The following PDCL variants were observed in gnomAD, a reference collection of about 807,000 sequenced individuals.
The protein encoded by PDCL is phosducin-like protein.
PDCL carries 11 observed loss-of-function variants against 26.7 expected under a neutral mutation model. The observed-to-expected ratio is 0.41, with a 90% CI of 0.26 to 0.68. The LOEUF is 0.68. PDCL is among the 30% of genes least tolerant of loss of function. The pLI, the probability that PDCL is intolerant of heterozygous loss-of-function variation, is 0.30. For synonymous variants in PDCL, 118 were observed against 134.9 expected (o/e 0.87, Z 0.87); for missense variants, 330 against 371.6 (o/e 0.89, Z 0.92).
chr9:122,824,110 T>C (rs927561922), intron 2 of PDCL, among the ~76,000 whole-genome samples: 1 of 152,170 alleles, frequency 6.6e-6, no homozygotes, highest in African/African-American at 2.4e-5. Flanking sequence ...AACAAGATTG[T>C]AATACAACCT....
Position 122,818,117 on chromosome 9 carries a change from A to G in PDCL, c.*1968T>C, listed in dbSNP as rs1829508059. 6.6e-6 allele frequency among the ~76,000 whole-genome samples: 1 copy of G among 152,108 alleles called. No individual in the cohort carries two copies. ...ACCCCGTCTCTAGTAAAAATACAAA[A>G]ATTAGCCAGGCGTGATGGCATGTGC... On this transcript the variant is annotated 3_prime_UTR_variant, in exon 4 of 4. Coordinates refer to ENST00000259467, the MANE Select transcript of PDCL (RefSeq NM_005388.5).
intron 3 of PDCL, among the ~76,000 whole-genome samples, chr9:122,822,170 A>G (rs1829561838): frequency 6.6e-6 from 1 of 152,180 alleles, no homozygotes; most frequent in Admixed American, 6.5e-5. Context: ...TTTGGGCCAT[A>G]ACTAAATGAT....
chr9:122,820,827 A>AGGG, intron 3 of PDCL, 191 bp from the exon 4 acceptor site: 1 of 528,628 alleles, frequency 1.9e-6, no homozygotes, highest in Non-Finnish European at 3.4e-6. Context: ...CTCCTTAAAA[A>AGGG]AAAAAAAAAA....
At chr9:122,827,452 G>A (rs1339079173) in intron 1 of PDCL, among the ~76,000 whole-genome samples, 1 of 152,174 alleles carries the variant, frequency 6.6e-6, no homozygotes, top group Non-Finnish European at 1.5e-5. Context: ...CCGGGCTCGC[G>A]CAGGTAATCC....
intron 2 of PDCL, among the ~76,000 whole-genome samples, chr9:122,824,373 T>C (rs1397839385): frequency 6.6e-6 from 1 of 152,214 alleles, no homozygotes; most frequent in Non-Finnish European, 1.5e-5. Context: ...ACAGCTCCTC[T>C]CTTGCTCTCT....
In PDCL at chr9:122,820,070, A is replaced by G; in HGVS notation, c.*15T>C. ...AACCCAAACAATGAGAAATCTATGCAACTAGACTATCAGTTCAATCTATTT... is the reference window on the plus strand; with the variant it reads ...AACCCAAACAATGAGAAATCTATGCGACTAGACTATCAGTTCAATCTATTT... On this transcript the variant is annotated 3_prime_UTR_variant, in exon 4 of 4. Transcript: ENST00000259467. 6.4e-7 allele frequency: 1 copy of G among 1,568,232 alleles called. No individual in the cohort carries two copies. The highest frequency in any genetic ancestry group is 8.6e-7 in the Non-Finnish European group (1 of 1,157,576).
intron 3 of PDCL, among the ~76,000 whole-genome samples, chr9:122,822,036 G>C (rs1341515270): frequency 6.6e-6 from 1 of 152,074 alleles, no homozygotes; most frequent in Admixed American, 6.6e-5. Context: ...TACCAGAGTG[G>C]CTTCTTCTGA....
At position 122,821,675 on chromosome 9, in the gene PDCL, C is replaced by G. The variant is rs183632417; in HGVS notation, c.355-1039G>C. Among the ~76,000 whole-genome samples, 13 of 152,188 alleles carry G rather than the reference C, an allele frequency of 8.5e-5. No homozygotes were observed. The East Asian group carries it at 2.5e-3, about 29-fold the overall frequency. On this transcript the variant is annotated intron_variant, in intron 3 of 3. Coordinates refer to ENST00000259467, the MANE Select transcript of PDCL (RefSeq NM_005388.5). ...TTCTGTTCTATTGCAGATAAATCAG[C>G]AGGACGGGAACAGCCTCTCACAAGA...
chr9:122,826,487 G>C (rs936856647), intron 2 of PDCL, 129 bp downstream of exon 2: 13 of 733,166 alleles, frequency 1.8e-5, no homozygotes, highest in Non-Finnish European at 2.7e-5. Context: ...GAAAAGACTA[G>C]GTTACCTCTG....
intron 2 of PDCL, among the ~76,000 whole-genome samples, chr9:122,824,915 A>G (rs538583312): frequency 3.3e-5 from 5 of 152,326 alleles, no homozygotes; most frequent in Middle Eastern, 3.4e-3. Flanking sequence ...AGACAAATCA[A>G]TGGAAGAGAC....
At chr9:122,828,143 A>G (rs1829652943) in intron 1 of PDCL, among the ~76,000 whole-genome samples, 1 of 152,118 alleles carries the variant, frequency 6.6e-6, no homozygotes, top group African/African-American at 2.4e-5. Context: ...CAAGCGGGGG[A>G]CACAGCAGCG....
chr9:122,820,114 T>C lies in PDCL; in HGVS notation c.877A>G (p.Ser293Gly). The C allele has an allele frequency of 1.2e-6, 2 of 1,612,262 alleles. No individual in the cohort carries two copies. Among genetic ancestry groups the C allele is most frequent in the Non-Finnish European group, 1.7e-6 (2 of 1,179,042 alleles). Reference sequence around the variant, plus strand: ...TCTATTTCCAGGTCGCTATCCTCACTGTGACACGTGGCAGAGTTACGCACA... The same window carrying C: ...TCTATTTCCAGGTCGCTATCCTCACCGTGACACGTGGCAGAGTTACGCACA... ...TSVRNSATCH[S>G]EDSDLEID Residue 293 changes from serine to glycine, a missense_variant, in exon 4 of 4, where the codon AGT (serine) becomes GGT (glycine). Ser to Gly is a moderately conservative substitution (Grantham distance 56). Transcript: ENST00000259467.
At chr9:122,823,231 A>G (rs905435963) in intron 2 of PDCL, 34 bp from the exon 3 acceptor site, 4 of 1,607,734 alleles carry the variant, frequency 2.5e-6, no homozygotes, top group Admixed American at 1.7e-5. Context: ...GACCAAGGAG[A>G]ATGGGCAGGG....
intron 1 of PDCL, among the ~76,000 whole-genome samples, chr9:122,827,416 C>G (rs1442690341): frequency 2.6e-5 from 4 of 152,098 alleles, no homozygotes; most frequent in Non-Finnish European, 5.9e-5. Context: ...TTTAATAACT[C>G]CCAAGGGTTT....
intron 2 of PDCL, 127 bp downstream of exon 2, chr9:122,826,489 T>C: frequency 1.3e-6 from 1 of 747,978 alleles, no homozygotes; most frequent in Non-Finnish European, 2.0e-6. Flanking sequence ...AAAGACTAGG[T>C]TACCTCTGAA....
rs1192381752 is a variant in PDCL, at chr9:122,818,558, G to A, written c.*1527C>T. On this transcript the variant is annotated 3_prime_UTR_variant, in exon 4 of 4. Transcript: ENST00000259467. ...TACATTCCACCCTTTCTACTACAACGAGCTTTCTTAGTCAAAAAAAAAAAA... is the reference window on the plus strand; with the variant it reads ...TACATTCCACCCTTTCTACTACAACAAGCTTTCTTAGTCAAAAAAAAAAAA... 5 of 149,698 alleles carry A rather than the reference G, an allele frequency of 3.3e-5. No homozygotes were observed. The highest frequency in any genetic ancestry group is 2.0e-4 in the East Asian group (1 of 5,118). The allele number at this position is 149,698 out of a possible 1,614,324, so 9.3% of individuals were successfully genotyped here.
chr9:122,820,428 T>A lies in PDCL; in HGVS notation c.563A>T (p.Tyr188Phe). Residue 188 changes from tyrosine to phenylalanine, a missense_variant, in exon 4 of 4, where the codon TAT becomes TTT. Tyr to Phe is a conservative substitution (Grantham distance 22). Transcript: ENST00000259467. ...TTCGGTCCCTGGAATGCCATCCTCATAAATATGAACCATGATGACAATGCT... is the reference window on the plus strand; with the variant it reads ...TTCGGTCCCTGGAATGCCATCCTCAAAAATATGAACCATGATGACAATGCT... ...QKSIVIMVHI[Y>F]EDGIPGTEAM... The A allele has an allele frequency of 6.2e-7, 1 of 1,614,142 alleles. No individual in the cohort carries two copies. The highest frequency in any genetic ancestry group is 8.5e-7 in the Non-Finnish European group (1 of 1,180,010).
At chr9:122,823,334 C>T (rs1829579092) in intron 2 of PDCL, 137 bp from the exon 3 acceptor site, 1 of 831,576 alleles carries the variant, frequency 1.2e-6, no homozygotes, top group Non-Finnish European at 1.9e-6. Context: ...ACTCTGTGTA[C>T]TCTGCCACAG....
intron 2 of PDCL, 25 bp downstream of exon 2, chr9:122,826,591 C>G: frequency 1.3e-6 from 2 of 1,593,642 alleles, no homozygotes; most frequent in African/African-American, 2.7e-5. Flanking sequence ...TAAGCCTGTT[C>G]CCAGAGCCCA....
Sources: gnomAD v4.1 joint callset for allele counts (sites outside exome capture counted in the v4.1 genomes callset) on GRCh38, gnomAD v4.1.1 for gene constraint, MANE v1.5 for transcripts, NCBI Gene and HGNC (gene_info 2026-07-23, HGNC 2026-07-21) for gene names.